DNTTIP2: variants seen among roughly 807,000 people sequenced by gnomAD.
DNTTIP2 encodes deoxynucleotidyltransferase terminal interacting protein 2, also known as deoxynucleotidyltransferase terminal-interacting protein 2.
DNTTIP2 carries 47 observed loss-of-function variants against 62.4 expected under a neutral mutation model. The ratio of observed to expected loss-of-function variants is 0.75; its 90% CI spans 0.60 to 0.96. The LOEUF is 0.96. Ranked by LOEUF, DNTTIP2 falls within the 40% of genes least tolerant of loss-of-function variation. The probability of loss-of-function intolerance (pLI) is 0.00; values close to 1 mark genes in which losing one functional copy is unlikely to be tolerated. For missense variants in DNTTIP2, 870 were observed against 849.1 expected, an observed-to-expected ratio of 1.02 and a Z score of -0.31; for synonymous variants, 322 against 300.9, an observed-to-expected ratio of 1.07 and a Z score of -0.73.
chr1:93,878,385 T>C (rs1224423299), intron 1 of DNTTIP2, among the ~76,000 whole-genome samples: 1 of 152,190 alleles, frequency 6.6e-6, no homozygotes, highest in Non-Finnish European at 1.5e-5. Flanking sequence ...CCTTCCTAGA[T>C]GTAACTTCAG....
rs942146872 is a variant in DNTTIP2, at chr1:93,868,942, A to G, written c.*909T>C. On this transcript the variant is annotated 3_prime_UTR_variant, in exon 7 of 7. Coordinates refer to ENST00000436063, the MANE Select transcript of DNTTIP2 (RefSeq NM_014597.5). ...CAGCAAACCACCATGGCACGTGTATACCTATGTAACCTGCATGTTCTACAC... is the reference window on the plus strand; with the variant it reads ...CAGCAAACCACCATGGCACGTGTATGCCTATGTAACCTGCATGTTCTACAC... 2 of 151,536 alleles carry G rather than the reference A, an allele frequency of 1.3e-5. No homozygotes were observed. The highest frequency in any genetic ancestry group is 4.9e-5 in the African/African-American group (2 of 41,228). The allele number at this position is 151,536 out of a possible 1,614,324, so 9.4% of individuals were successfully genotyped here. A position where few individuals can be genotyped will look rare whatever the true frequency, so the allele number is the denominator to read the frequency against.
rs754389018 is a variant in DNTTIP2, at chr1:93,877,145, C to T, written c.790G>A (p.Asp264Asn). Reference protein sequence around the residue: ...EINKPNFYNNDFDDDFSHRSS... With the variant: ...EINKPNFYNNNFDDDFSHRSS... ...CTGTGGGAGAAATCATCATCAAAGTCATTATTATAGAAATTTGGCTTATTT... is the reference window on the plus strand; with the variant it reads ...CTGTGGGAGAAATCATCATCAAAGTTATTATTATAGAAATTTGGCTTATTT... The change falls in exon 2 of 7, where the codon GAC becomes AAC. Residue 264 changes from aspartate (D) to asparagine (N), a missense_variant. By Grantham distance (23) the Asp-to-Asn change is conservative. Coordinates refer to ENST00000436063, the MANE Select transcript of DNTTIP2 (RefSeq NM_014597.5). 1 of 1,612,480 alleles carries T rather than the reference C, an allele frequency of 6.2e-7. No homozygotes were observed. Among genetic ancestry groups the T allele is most frequent in the Non-Finnish European group, 8.5e-7 (1 of 1,179,830 alleles).
rs1656012838 is a variant in DNTTIP2, at chr1:93,876,609, T to C, written c.1326A>G (p.Leu442=). 2 of 1,614,034 alleles carry C rather than the reference T, an allele frequency of 1.2e-6. No individual in the cohort carries two copies. The highest frequency in any genetic ancestry group is 1.3e-5 in the African/African-American group (1 of 75,070). The change falls in exon 2 of 7, where the codon TTA becomes TTG. Residue 442 remains leucine, a synonymous_variant. Transcript: ENST00000436063. ...GGCTTTCATCACTGCTGAGAACTAG[T>C]AAGACAGAATTATCTTTACCCTGAG... The part of the protein sequence containing the change: ...NTSQGKDNSV[L]LVLSSDESQQ...
At position 93,877,300 on chromosome 1, in the gene DNTTIP2, G is replaced by A. The variant is rs1656036545; in HGVS notation, c.635C>T (p.Ala212Val). ...CTTACTATCTTTCTTTTCAGTTTGT[G>A]CCTTTAATTTCCTCTGCATACTCCT... ...RTRSMQRKLK[A>V]QTEKKDSKIV... The change falls in exon 2 of 7, where the codon GCA becomes GTA. Residue 212 changes from alanine to valine, a missense_variant. Transcript: ENST00000436063. 6.2e-7 allele frequency: 1 copy of A among 1,613,504 alleles called. No individual in the cohort carries two copies. Among genetic ancestry groups the A allele is most frequent in the Admixed American group, 1.7e-5 (1 of 59,970 alleles).
At chr1:93,875,445 G>A (rs1294374808) in intron 3 of DNTTIP2, among the ~76,000 whole-genome samples, 200 bp downstream of exon 3, 6 of 152,134 alleles carry the variant, frequency 3.9e-5, no homozygotes, top group Non-Finnish European at 7.4e-5. Flanking sequence ...CACTGACCCT[G>A]TATTGATTTA....
chr1:93,875,838 A>G (rs1029744264), intron 2 of DNTTIP2, 55 bp from the exon 3 acceptor site: 4 of 1,522,328 alleles, frequency 2.6e-6, no homozygotes, highest in Admixed American at 4.6e-5. Context: ...ATGGAAACAT[A>G]TAAGATGGCA....
Position 93,877,021 on chromosome 1 carries a change from C to T in DNTTIP2, c.914G>A (p.Gly305Glu), listed in dbSNP as rs1656028802. Residue 305 changes from glycine to glutamate, a missense_variant, in exon 2 of 7, where the codon GGA (glycine) becomes GAA (glutamate). Transcript: ENST00000436063. ...AATTTCTTTCCCCTCATCTGTTATT[C>T]CATTGGCATCTTCATCCAAATCCTT... ...NCKDLDEDAN[G>E]ITDEGKEINE... 1.2e-6 allele frequency: 2 copies of T among 1,612,474 alleles called. No individual in the cohort carries two copies. The highest frequency in any genetic ancestry group is 2.7e-5 in the African/African-American group (2 of 74,904).
At position 93,866,620 on chromosome 1, in the gene DNTTIP2, G is replaced by T. The variant is rs1655730238; in HGVS notation, c.*3231C>A. On this transcript the variant is annotated 3_prime_UTR_variant, in exon 7 of 7. Coordinates refer to ENST00000436063, the MANE Select transcript of DNTTIP2 (RefSeq NM_014597.5). ...GTATACCAGTTACTAAGGTTTTGTTGAACTTTTTTATATAGCCTCCCCACT... is the reference window on the plus strand; with the variant it reads ...GTATACCAGTTACTAAGGTTTTGTTTAACTTTTTTATATAGCCTCCCCACT... The T allele has an allele frequency of 6.6e-6, 1 of 151,956 alleles. No homozygotes were observed. The highest frequency in any genetic ancestry group is 2.4e-5 in the African/African-American group (1 of 41,346). The allele number at this position is 151,956 out of a possible 1,614,324, so 9.4% of individuals were successfully genotyped here.
At position 93,879,086 on chromosome 1, in the gene DNTTIP2, G is replaced by A. The variant is rs776644662; in HGVS notation, c.63C>T (p.Ser21=). ...AGACTGGATTTCCTACCTTTTGCCC[G>A]GAACTTTCAGCCGACGCGGCTTGGA... ...ASIQAASAES[S]GQKSFAANGI... is the part of the protein sequence containing the mutation. Residue 21 remains serine, a synonymous_variant, in exon 1 of 7, where the codon TCC becomes TCT. Transcript: ENST00000436063. 1.2e-6 allele frequency: 2 copies of A among 1,613,670 alleles called. No individual in the cohort carries two copies. Among genetic ancestry groups the A allele is most frequent in the Admixed American group, 3.3e-5 (2 of 60,024 alleles).
Position 93,876,446 on chromosome 1 carries a change from T to A in DNTTIP2, c.1489A>T (p.Met497Leu). Residue 497 changes from methionine to leucine, a missense_variant, in exon 2 of 7, where the codon ATG (methionine) becomes TTG (leucine). Coordinates refer to ENST00000436063, the MANE Select transcript of DNTTIP2 (RefSeq NM_014597.5). ...AAGTAAAAATTTTTATCAGCACTCA[T>A]TCCAGGAGTTGTGTCAATTACAAAC... ...ALFVIDTTPG[M>L]SADKNFYLEE... The A allele has an allele frequency of 6.2e-7, 1 of 1,613,908 alleles. No homozygotes were observed. The highest frequency in any genetic ancestry group is 8.5e-7 in the Non-Finnish European group (1 of 1,179,872).
chr1:93,878,303 CA>C (rs1656070127), intron 1 of DNTTIP2, among the ~76,000 whole-genome samples: 1 of 152,250 alleles, frequency 6.6e-6, no homozygotes, highest in East Asian at 1.9e-4. Flanking sequence ...GACTCCGAAT[CA>C]AAAACAAACA....
Position 93,876,404 on chromosome 1 carries a change from C to A in DNTTIP2, c.1531G>T (p.Ala511Ser), listed in dbSNP as rs1211323807. 1.2e-6 allele frequency: 2 copies of A among 1,607,242 alleles called. No individual in the cohort carries two copies. The highest frequency in any genetic ancestry group is 1.7e-6 in the Non-Finnish European group (2 of 1,176,230). The part of the protein sequence containing the change: ...KNFYLEEEDK[A>S]SEVAIEEEKE... ...TCTTCCTCAATGGCAACCTCACTTG[C>A]CTTGTCTTCCTCTTCCAAGTAAAAA... is the stretch of plus-strand genomic sequence containing the variant. The change falls in exon 2 of 7, where the codon GCA becomes TCA. Residue 511 changes from alanine (A) to serine (S), a missense_variant. Physicochemically the swap from Ala to Ser is moderately conservative, Grantham distance 99. Coordinates refer to ENST00000436063, the MANE Select transcript of DNTTIP2 (RefSeq NM_014597.5).
intron 3 of DNTTIP2, among the ~76,000 whole-genome samples, chr1:93,873,537 G>C (rs1055287459): frequency 8.6e-5 from 13 of 151,810 alleles, no homozygotes; most frequent in African/African-American, 2.4e-5. Context: ...AGGAGCTTGA[G>C]GCTGCAGCAA....
In DNTTIP2 at chr1:93,876,972, C is replaced by T. The variant is rs1189911883; in HGVS notation, c.963G>A (p.Lys321=). 6.2e-7 allele frequency: 1 copy of T among 1,612,914 alleles called. No individual in the cohort carries two copies. Among genetic ancestry groups the T allele is most frequent in the Admixed American group, 1.7e-5 (1 of 59,924 alleles). Residue 321 remains lysine (K), a synonymous_variant, in exon 2 of 7, where the codon AAG becomes AAA. Transcript: ENST00000436063. ...KEINEKSSQL[K]NLSELQDTSL... ...TAGTGTCCTGAAGTTCAGAAAGATT[C>T]TTCAGCTGAGAACTTTTCTCATTAA... is the stretch of plus-strand genomic sequence containing the variant.
rs887705128 is a variant in DNTTIP2 at position 93,873,143 on chromosome 1, C to T, written c.1878G>A (p.Lys626=). 4 of 1,611,602 alleles carry T rather than the reference C, an allele frequency of 2.5e-6. No homozygotes were observed. The Admixed American group carries it at 5.0e-5, about 20-fold the overall frequency. ...CTCTGCGTTTTTTCTGAAGTTGATACTTTGATTCACTATATGGTGGAACAC... is the reference window on the plus strand; with the variant it reads ...CTCTGCGTTTTTTCTGAAGTTGATATTTTGATTCACTATATGGTGGAACAC... The part of the protein sequence containing the change: ...NHCVPPYSES[K]YQLQKKRRKE... Residue 626 remains lysine, a synonymous_variant, in exon 4 of 7, where the codon AAG becomes AAA. Coordinates refer to ENST00000436063, the MANE Select transcript of DNTTIP2 (RefSeq NM_014597.5).
intron 3 of DNTTIP2, 85 bp downstream of exon 3, chr1:93,875,560 T>C (rs1655978165): frequency 7.0e-7 from 1 of 1,425,914 alleles, no homozygotes; most frequent in South Asian, 1.5e-5. Context: ...GGTTTCACTG[T>C]AGGAAAATTA....
rs752884021 is a variant in DNTTIP2 at position 93,876,746 on chromosome 1, T to C, written c.1189A>G (p.Ser397Gly). Residue 397 changes from serine (S) to glycine (G), a missense_variant, in exon 2 of 7, where the codon AGT becomes GGT. Physicochemically the swap from Ser to Gly is moderately conservative, Grantham distance 56 (BLOSUM62 0). Transcript: ENST00000436063. ...ACTGTGGACTCTTCTTCATCATCAC[T>C]ACCACCACAATCACCAAACTTTGTC... ...DLTKFGDCGG[S>G]DDEEESTVIS... The C allele has an allele frequency of 1.9e-6, 3 of 1,613,906 alleles. No homozygotes were observed. The highest frequency in any genetic ancestry group is 2.5e-6 in the Non-Finnish European group (3 of 1,179,892).
In DNTTIP2 at chr1:93,873,173, G is replaced by T. The variant is rs776400492; in HGVS notation, c.1848C>A (p.Asn616Lys). 22 of 1,611,698 alleles carry T rather than the reference G, an allele frequency of 1.4e-5. No individual in the cohort carries two copies. The highest frequency in any genetic ancestry group is 1.7e-5 in the Non-Finnish European group (20 of 1,178,696). The part of the protein sequence containing the change: ...KAVITPDFEK[N>K]HCVPPYSESK... ...ATTCACTATATGGTGGAACACAGTG[G>T]TTTTTTTCAAAATCAGGTGTAATGA... Residue 616 changes from asparagine to lysine, a missense_variant, in exon 4 of 7, where the codon AAC becomes AAA. Transcript: ENST00000436063.
chr1:93,870,084 G>A (rs939933710), intron 6 of DNTTIP2, 140 bp from the exon 7 acceptor site: 18 of 559,970 alleles, frequency 3.2e-5, no homozygotes, highest in Non-Finnish European at 5.7e-5. Context: ...TGCAATCTAG[G>A]GAGAAAAAAT....
Sources: gnomAD v4.1 joint callset for allele counts (sites outside exome capture counted in the v4.1 genomes callset) on GRCh38, gnomAD v4.1.1 for gene constraint, MANE v1.5 for transcripts, NCBI Gene and HGNC (gene_info 2026-07-23, HGNC 2026-07-21) for gene names.